FGFR1: variants seen among roughly 807,000 people sequenced by gnomAD.
The protein encoded by FGFR1 is FGFR1/PLAG1 fusion.
In FGFR1, 18 loss-of-function variants were observed where a neutral mutation model predicts 93.7. The ratio of observed to expected loss-of-function variants is 0.19; its 90% CI spans 0.13 to 0.28. The LOEUF (loss-of-function observed/expected upper bound fraction) is 0.28. Among genes scored for constraint, FGFR1 ranks in the 10% least tolerant of loss-of-function variants. The pLI is 1.00. For synonymous variants in FGFR1, 448 were observed against 429.3 expected, an observed-to-expected ratio of 1.04 and a Z score of -0.54; for missense variants, 731 against 1,080.4, an observed-to-expected ratio of 0.68 and a Z score of 4.53.
rs1445434543 is a variant in FGFR1, at chr8:38,455,143, T to C, written c.91+2213A>G. ...AGCATGTGCCACCACACCTGGCTAA[T>C]TTTTCTATTTTTTGTAGACACAGGG... is the stretch of plus-strand genomic sequence containing the variant. On this transcript the variant is annotated intron_variant, in intron 2 of 17. Transcript: ENST00000447712. 2.6e-5 allele frequency among the ~76,000 whole-genome samples: 4 copies of C among 152,104 alleles called. No individual in the cohort carries two copies. The East Asian group carries it at 7.8e-4, about 30-fold the overall frequency.
rs553614424 is a variant in FGFR1 at position 38,431,760 on chromosome 8, A to G, written c.92-1812T>C. Among the ~76,000 whole-genome samples, 20 of 152,332 alleles carry G rather than the reference A, an allele frequency of 1.3e-4. No homozygotes were observed. The South Asian group carries it at 4.1e-3, about 32-fold the overall frequency. On this transcript the variant is annotated intron_variant, in intron 2 of 17. Transcript: ENST00000447712. ...GCTTTAAAAGGGCTCAGAAACCACT[A>G]GGCTTGCACACGTTTATTTTTGTGA... is the stretch of plus-strand genomic sequence containing the variant.
At chr8:38,467,522 G>A (rs894752634) in intron 1 of FGFR1, 4 of 233,552 alleles carry the variant, frequency 1.7e-5, no homozygotes, top group Non-Finnish European at 2.5e-5. Flanking sequence ...TCCCCAAAAG[G>A]GGACCAAAAA....
chr8:38,452,800 C>A (rs1831499035), intron 2 of FGFR1, among the ~76,000 whole-genome samples: 2 of 152,050 alleles, frequency 1.3e-5, no homozygotes, highest in Non-Finnish European at 2.9e-5. Flanking sequence ...CATGGTGAAA[C>A]CCCGTCTCTA....
At chr8:38,443,039 T>C (rs945320088) in intron 2 of FGFR1, among the ~76,000 whole-genome samples, 1 of 152,102 alleles carries the variant, frequency 6.6e-6, no homozygotes, top group African/African-American at 2.4e-5. Context: ...CTAAAGACAA[T>C]AAAACATCCT....
Position 38,426,204 on chromosome 8 carries a change from C to A in FGFR1, c.663G>T (p.Val221=), listed in dbSNP as rs766451294. 19 of 1,614,060 alleles carry A rather than the reference C, an allele frequency of 1.2e-5. No individual in the cohort carries two copies. Among genetic ancestry groups the A allele is most frequent in the Non-Finnish European group, 1.4e-5 (17 of 1,180,032 alleles). The change falls in exon 6 of 18, where the codon GTG becomes GTT. Residue 221 remains valine (V), a synonymous_variant. Coordinates refer to ENST00000447712, the MANE Select transcript of FGFR1 (RefSeq NM_023110.3). The surrounding 1 kb of genome is among the most constrained non-coding windows in gnomAD (Gnocchi z 4.1). ...AGGTGTAGTTGCCCTTGTCAGAGGG[C>A]ACCACAGAGTCCATTATGATGCTCC... ...ATWSIIMDSV[V]PSDKGNYTCI...
chr8:38,462,077 C>A (rs890347186), intron 1 of FGFR1, among the ~76,000 whole-genome samples: 1 of 152,052 alleles, frequency 6.6e-6, no homozygotes, highest in Non-Finnish European at 1.5e-5. Flanking sequence ...AAAGTATACA[C>A]CGCATCTTAA....
chr8:38,454,125 G>T (rs1199232840), intron 2 of FGFR1, among the ~76,000 whole-genome samples: 1 of 151,984 alleles, frequency 6.6e-6, no homozygotes, highest in Admixed American at 6.6e-5. Context: ...TCACAGGGCC[G>T]GTACTTTGTC....
intron 1 of FGFR1, among the ~76,000 whole-genome samples, chr8:38,463,558 T>C (rs73674172): frequency 1.8e-4 from 28 of 152,112 alleles, no homozygotes; most frequent in Non-Finnish European, 3.2e-4. Flanking sequence ...GCACCTAGCA[T>C]GTACACAGGA....
chr8:38,446,410 C>A (rs915780539), intron 2 of FGFR1, among the ~76,000 whole-genome samples: 1 of 150,888 alleles, frequency 6.6e-6, no homozygotes, highest in Middle Eastern at 3.4e-3. Flanking sequence ...AGGGTTTCAC[C>A]GTGTTGCCCA....
chr8:38,441,029 C>G (rs533231066), intron 2 of FGFR1, among the ~76,000 whole-genome samples: 83 of 152,256 alleles, frequency 5.5e-4, no homozygotes, highest in African/African-American at 1.9e-3. Flanking sequence ...CCTGCACTAG[C>G]CAAAGCCACA....
Position 38,411,327 on chromosome 8 carries a change from T to G in FGFR1, c.*2301A>C, listed in dbSNP as rs117104905. On this transcript the variant is annotated 3_prime_UTR_variant, in exon 18 of 18. Coordinates refer to ENST00000447712, the MANE Select transcript of FGFR1 (RefSeq NM_023110.3). ...CCCTTCACACAACATTGCTTCAAGG[T>G]AGGGCCAAGGCAGAAATTATCATCA... is the stretch of plus-strand genomic sequence containing the variant. 9.4e-5 allele frequency: 20 copies of G among 213,840 alleles called. No homozygotes were observed. Among genetic ancestry groups the G allele is most frequent in the Non-Finnish European group, 1.9e-4 (20 of 105,728 alleles). The allele number at this position is 213,840 out of a possible 1,614,324, so 13.2% of individuals were successfully genotyped here. A position where few individuals can be genotyped will look rare whatever the true frequency, so the allele number is the denominator to read the frequency against.
intron 12 of FGFR1, 98 bp downstream of exon 12, chr8:38,417,208 C>A: frequency 1.1e-6 from 1 of 940,014 alleles, no homozygotes. Flanking sequence ...TCTCTTAACC[C>A]CCTTCCCTAG....
chr8:38,419,263 T>C (rs1817844058), intron 9 of FGFR1, among the ~76,000 whole-genome samples: 1 of 151,912 alleles, frequency 6.6e-6, no homozygotes, highest in Non-Finnish European at 1.5e-5. Context: ...TGCTATTGGC[T>C]GCACATTCTG....
intron 7 of FGFR1, chr8:38,423,664 A>T (rs1346046298): frequency 2.9e-5 from 4 of 139,182 alleles, no homozygotes; most frequent in Non-Finnish European, 6.1e-5. Flanking sequence ...CATTTGATTA[A>T]AAAAAAAAAA....
chr8:38,414,168 T>C lies in FGFR1; in HGVS notation c.2170A>G (p.Asn724Asp). The change falls in exon 16 of 18, where the codon AAC becomes GAC. Residue 724 changes from asparagine (N) to aspartate (D), a missense_variant. By Grantham distance (23) the Asn-to-Asp change is conservative. This residue lies in a region of FGFR1 where 35 missense variants were observed against 78.0 expected (regional missense o/e 0.45). Transcript: ENST00000447712. ...KEGHRMDKPS[N>D]CTNELYMMMR... is the part of the protein sequence containing the mutation. ...CGGGCTTACAGCTCGTTGGTGCAGT[T>C]ACTGGGCTTGTCCATGCGGTGACCC... The C allele has an allele frequency of 3.7e-6, 6 of 1,614,202 alleles. No individual in the cohort carries two copies. Among genetic ancestry groups the C allele is most frequent in the Non-Finnish European group, 5.1e-6 (6 of 1,180,016 alleles).
rs765659666 is a variant in FGFR1 at position 38,413,125 on chromosome 8, A to G, written c.*503T>C. ...GCAAAGCAAACTAGTATCGGAATTAATAAGCCACTGGCACCACCTATCTGG... is the reference window on the plus strand; with the variant it reads ...GCAAAGCAAACTAGTATCGGAATTAGTAAGCCACTGGCACCACCTATCTGG... On this transcript the variant is annotated 3_prime_UTR_variant, in exon 18 of 18. Transcript: ENST00000447712. The surrounding 1 kb of genome is among the most constrained non-coding windows in gnomAD (Gnocchi z 4.2). 6.6e-5 allele frequency: 16 copies of G among 240,750 alleles called. No homozygotes were observed. The highest frequency in any genetic ancestry group is 2.4e-5 in the Non-Finnish European group (3 of 122,668). The allele number at this position is 240,750 out of a possible 1,614,324, so 14.9% of individuals were successfully genotyped here. A position where few individuals can be genotyped will look rare whatever the true frequency, so the allele number is the denominator to read the frequency against.
chr8:38,427,302 C>CA (rs747272585), intron 5 of FGFR1, among the ~76,000 whole-genome samples: 7 of 152,038 alleles, frequency 4.6e-5, no homozygotes, highest in Non-Finnish European at 5.9e-5. Context: ...TTTTTGGAGA[C>CA]AGAGTCTCAC....
At position 38,411,221 on chromosome 8, in the gene FGFR1, G is replaced by A. The variant is rs758524862; in HGVS notation, c.*2407C>T. 3.0e-4 allele frequency: 62 copies of A among 205,390 alleles called. No individual in the cohort carries two copies. The highest frequency in any genetic ancestry group is 4.8e-4 in the Non-Finnish European group (48 of 100,376). The allele number at this position is 205,390 out of a possible 1,614,324, so 12.7% of individuals were successfully genotyped here. On this transcript the variant is annotated 3_prime_UTR_variant, in exon 18 of 18. Transcript: ENST00000447712. ...GGGTGATTTGAGTAGTAACAGCAAG[G>A]ACATCACTGTAATTATGATAGTGCC...
rs1586369243 is a variant in FGFR1 at position 38,429,488 on chromosome 8, C to T, written c.358+194G>A. 3 of 727,586 alleles carry T rather than the reference C, an allele frequency of 4.1e-6. No individual in the cohort carries two copies. The highest frequency in any genetic ancestry group is 7.3e-6 in the Non-Finnish European group (3 of 413,322). The allele number at this position is 727,586 out of a possible 1,614,324, so 45.1% of individuals were successfully genotyped here. Reference sequence around the variant, plus strand: ...AAGCCCCAGATCTCCGGCCCTGGGGCCCACCCCACCTAGTCACCTCTCTGA... The same window carrying T: ...AAGCCCCAGATCTCCGGCCCTGGGGTCCACCCCACCTAGTCACCTCTCTGA... On this transcript the variant is annotated intron_variant, in intron 3 of 17. Transcript: ENST00000447712. The surrounding 1 kb of genome is among the most constrained non-coding windows in gnomAD (Gnocchi z 4.4).
Sources: gnomAD v4.1 joint callset for allele counts (sites outside exome capture counted in the v4.1 genomes callset) on GRCh38, gnomAD v4.1.1 for gene constraint, gnomAD v4.1.1 regional missense constraint, Gnocchi (gnomAD v3.1) non-coding constraint, MANE v1.5 for transcripts, NCBI Gene and HGNC (gene_info 2026-07-23, HGNC 2026-07-21) for gene names.